FAM227B: variants seen among roughly 807,000 people sequenced by gnomAD.
The protein encoded by FAM227B is protein FAM227B.
In FAM227B, 88 loss-of-function variants were observed where a neutral mutation model predicts 73.8. That is an observed-to-expected ratio of 1.19 (90% CI 1.00 to 1.42). The LOEUF (loss-of-function observed/expected upper bound fraction) is 1.42. FAM227B is among the 40% of genes most tolerant of loss of function. The pLI, the probability that FAM227B is intolerant of heterozygous loss-of-function variation, is 0.00. For synonymous variants in FAM227B, 210 were observed against 190.5 expected (o/e 1.10, Z -0.84); for missense variants, 632 against 590.9 (o/e 1.07, Z -0.72).
At chr15:49,541,897 C>T in intron 9 of FAM227B, 91 bp from the exon 10 acceptor site, 1 of 1,027,248 alleles carries the variant, frequency 9.7e-7, no homozygotes, top group Non-Finnish European at 1.3e-6. Context: ...TTTAAATTTG[C>T]CTTGCAATTT....
At chr15:49,577,459 A>G (rs2075528425) in intron 6 of FAM227B, among the ~76,000 whole-genome samples, 170 bp downstream of exon 6, 1 of 152,330 alleles carries the variant, frequency 6.6e-6, no homozygotes, top group African/African-American at 2.4e-5. Flanking sequence ...TAGACTACAC[A>G]TAAGTAAATA....
intron 5 of FAM227B, among the ~76,000 whole-genome samples, chr15:49,584,411 A>G (rs375784872): frequency 4.5e-4 from 69 of 152,292 alleles, no homozygotes; most frequent in African/African-American, 1.6e-3. Flanking sequence ...CAATGTCATA[A>G]TAAATAGGCA....
At chr15:49,350,730 A>AGG (rs1327149161) in intron 13 of FAM227B, among the ~76,000 whole-genome samples, 2 of 152,148 alleles carry the variant, frequency 1.3e-5, no homozygotes, top group Non-Finnish European at 2.9e-5. Context: ...TATAATCCCT[A>AGG]ACACACAGGA....
chr15:49,505,102 C>T (rs190475224), intron 11 of FAM227B, among the ~76,000 whole-genome samples: 2 of 152,172 alleles, frequency 1.3e-5, no homozygotes. Context: ...CATGTAACAA[C>T]ATGAATGAAT....
At chr15:49,601,725 G>T (rs1037216575) in intron 3 of FAM227B, among the ~76,000 whole-genome samples, 1 of 151,928 alleles carries the variant, frequency 6.6e-6, no homozygotes, top group Non-Finnish European at 1.5e-5. Context: ...ATCAATACTT[G>T]GTCTTACTCA....
intron 9 of FAM227B, among the ~76,000 whole-genome samples, chr15:49,544,441 T>C (rs1482046915): frequency 6.6e-6 from 1 of 152,176 alleles, no homozygotes; most frequent in Non-Finnish European, 1.5e-5. Flanking sequence ...TATACAATCA[T>C]ATCATCAGAA....
At chr15:49,388,241 C>T (rs1428359667) in intron 11 of FAM227B, among the ~76,000 whole-genome samples, 1 of 151,508 alleles carries the variant, frequency 6.6e-6, no homozygotes, top group Non-Finnish European at 1.5e-5. Context: ...ATACTATAAG[C>T]CTGCAGTTAC....
At chr15:49,515,671 C>G (rs1427002971) in intron 10 of FAM227B, among the ~76,000 whole-genome samples, 4 of 152,116 alleles carry the variant, frequency 2.6e-5, no homozygotes, top group Admixed American at 6.6e-5. Flanking sequence ...TTTATGTTTT[C>G]TTGTTGCTAT....
intron 11 of FAM227B, among the ~76,000 whole-genome samples, chr15:49,504,425 T>TAAA (rs35119908): frequency 6.8e-6 from 1 of 147,766 alleles, no homozygotes; most frequent in Non-Finnish European, 1.5e-5. Context: ...TAAAGTATAA[T>TAAA]AAAAAAAAAG....
chr15:49,610,127 A>T (rs1445424057), intron 3 of FAM227B, among the ~76,000 whole-genome samples: 1 of 151,968 alleles, frequency 6.6e-6, no homozygotes, highest in African/African-American at 2.4e-5. Flanking sequence ...TACTACTTCA[A>T]ATAATTAGAA....
intron 11 of FAM227B, among the ~76,000 whole-genome samples, chr15:49,376,949 T>C (rs912082741): frequency 1.7e-4 from 26 of 152,210 alleles, no homozygotes; most frequent in African/African-American, 5.8e-4. Flanking sequence ...TGTTGTGCTA[T>C]CAAATACTAG....
intron 11 of FAM227B, among the ~76,000 whole-genome samples, chr15:49,436,710 A>C (rs899521823): frequency 6.6e-6 from 1 of 151,558 alleles, no homozygotes; most frequent in South Asian, 2.1e-4. Flanking sequence ...TTACATAGCT[A>C]GTAACTGTCA....
chr15:49,604,638 C>T (rs1183790919), intron 3 of FAM227B, among the ~76,000 whole-genome samples: 1 of 151,712 alleles, frequency 6.6e-6, no homozygotes, highest in East Asian at 1.9e-4. Context: ...AATAAGCTTT[C>T]TACCCTTTTC....
At chr15:49,381,784 C>T (rs894731291) in intron 11 of FAM227B, among the ~76,000 whole-genome samples, 1 of 152,078 alleles carries the variant, frequency 6.6e-6, no homozygotes, top group Non-Finnish European at 1.5e-5. Flanking sequence ...CAAGCAAACA[C>T]AAGATAATCA....
intron 11 of FAM227B, among the ~76,000 whole-genome samples, chr15:49,387,926 G>T (rs577580824): frequency 2.0e-5 from 3 of 151,814 alleles, no homozygotes; most frequent in South Asian, 4.2e-4. Context: ...TTTAACTATG[G>T]AGGTGAAAGA....
chr15:49,523,184 G>T (rs2152182647), intron 10 of FAM227B, among the ~76,000 whole-genome samples: 1 of 152,252 alleles, frequency 6.6e-6, no homozygotes, highest in East Asian at 1.9e-4. Context: ...CCTAGGGTTA[G>T]TCTTCTTAAA....
chr15:49,551,259 G>A (rs914218661), intron 9 of FAM227B, among the ~76,000 whole-genome samples: 4 of 73,622 alleles, frequency 5.4e-5, no homozygotes, highest in African/African-American at 1.9e-4. Context: ...CTCAGCATGA[G>A]GGAGAGGGAG....
chr15:49,578,469 CATAGATAG>C (rs141756297), intron 5 of FAM227B, among the ~76,000 whole-genome samples: 2 of 151,352 alleles, frequency 1.3e-5, no homozygotes, highest in African/African-American at 4.9e-5. Flanking sequence ...TATAGACAGA[CATAGATAG>C]ATAGATAGAT....
At chr15:49,490,870 G>A (rs925361150) in intron 11 of FAM227B, among the ~76,000 whole-genome samples, 4 of 151,684 alleles carry the variant, frequency 2.6e-5, no homozygotes, top group African/African-American at 7.3e-5. Flanking sequence ...ATATATCTCC[G>A]ATTGTTGATT....
Sources: allele counts gnomAD v4.1 joint callset (sites outside exome capture counted in the v4.1 genomes callset), GRCh38; gene constraint gnomAD v4.1.1; transcripts MANE v1.5; gene names NCBI Gene and HGNC (gene_info 2026-07-23, HGNC 2026-07-21).